The following SFTPD variants were observed in gnomAD, a reference collection of about 807,000 sequenced individuals.
SFTPD encodes pulmonary surfactant-associated protein D.
SFTPD carries 18 observed loss-of-function variants against 34.6 expected under a neutral mutation model. The ratio of observed to expected loss-of-function variants is 0.52; its 90% CI spans 0.36 to 0.77. The LOEUF is 0.77. Among genes scored for constraint, SFTPD ranks in the 30% least tolerant of loss-of-function variants. The pLI is 0.00. For missense variants in SFTPD, 433 were observed against 468.9 expected (o/e 0.92, Z 0.71); for synonymous variants, 155 against 180.9 (o/e 0.86, Z 1.15).
chr10:79,953,319 G>A (rs1404667816), upstream of SFTPD, among the ~76,000 whole-genome samples: 1 of 152,034 alleles, frequency 6.6e-6, no homozygotes, highest in East Asian at 1.9e-4. Flanking sequence ...TGGACCTAGT[G>A]GTGACAAACT....
chr10:79,978,588 G>A (rs1219713864), intron 1 of SFTPD, among the ~76,000 whole-genome samples: 2 of 148,394 alleles, frequency 1.3e-5, no homozygotes, highest in Non-Finnish European at 3.0e-5. Flanking sequence ...GGAGGTTGAG[G>A]CTGCAGTGAG....
chr10:79,955,013 C>A (rs1372061491), intron 1 of SFTPD, among the ~76,000 whole-genome samples: 1 of 152,226 alleles, frequency 6.6e-6, no homozygotes, highest in East Asian at 1.9e-4. Context: ...CACATCCTCA[C>A]CACCTGTTTC....
At chr10:79,977,975 A>C (rs1231268043) in intron 1 of SFTPD, among the ~76,000 whole-genome samples, 1 of 152,246 alleles carries the variant, frequency 6.6e-6, no homozygotes, top group South Asian at 2.1e-4. Flanking sequence ...TCTGAGTTCA[A>C]GAATTTCTTG....
At chr10:79,977,061 G>A (rs3934643) in intron 1 of SFTPD, among the ~76,000 whole-genome samples, 19,467 of 152,118 alleles carry the variant, frequency 0.13, 1,669 homozygotes, top group East Asian at 0.41. Flanking sequence ...ATCCAATTAA[G>A]CCTCTTTTTC....
At chr10:79,942,249 T>C (rs1187263918) in intron 4 of SFTPD, 139 bp downstream of exon 4, 3 of 737,776 alleles carry the variant, frequency 4.1e-6, no homozygotes, top group Non-Finnish European at 7.0e-6. Flanking sequence ...GTTGTGGGGA[T>C]TGGGAGGGTG....
At position 79,946,510 on chromosome 10, in the gene SFTPD, G is replaced by A. The variant is rs779479065; in HGVS notation, c.150C>T (p.Arg50=). ...CSSVESGLPG[R]DGRDGREGPR... The stretch of plus-strand genomic sequence containing the variant: ...GGCCCTCTCTCCCATCCCGTCCATC[G>A]CGACCAGGCAGGCCACTCTCCACTG... Residue 50 remains arginine (R), a synonymous_variant, in exon 2 of 8, where the codon CGC becomes CGT. Coordinates refer to ENST00000372292, the MANE Select transcript of SFTPD (RefSeq NM_003019.5). 15 of 1,614,070 alleles carry A rather than the reference G, an allele frequency of 9.3e-6. No homozygotes were observed. Among genetic ancestry groups the A allele is most frequent in the South Asian group, 3.3e-5 (3 of 91,078 alleles).
chr10:79,959,194 A>T (rs1842757437), intron 1 of SFTPD, among the ~76,000 whole-genome samples: 1 of 149,412 alleles, frequency 6.7e-6, no homozygotes, highest in South Asian at 2.1e-4. Flanking sequence ...AGAAAGCAGG[A>T]AAGATCCAAA....
chr10:79,950,991 A>G (rs1374139211), upstream of SFTPD: 3 of 151,964 alleles, frequency 2.0e-5, no homozygotes, highest in East Asian at 5.8e-4. Context: ...AGTTTCAACT[A>G]TATTTTATAG....
chr10:79,965,264 C>T (rs1348610427), intron 1 of SFTPD, among the ~76,000 whole-genome samples: 11 of 152,142 alleles, frequency 7.2e-5, no homozygotes, highest in African/African-American at 1.9e-4. Context: ...TTCTCTTATT[C>T]GGACCTTGTG....
At chr10:79,948,222 G>C (rs1842685479) in intron 1 of SFTPD, among the ~76,000 whole-genome samples, 2 of 152,254 alleles carry the variant, frequency 1.3e-5, no homozygotes, top group Non-Finnish European at 2.9e-5. Flanking sequence ...GCAAGGGCCA[G>C]ACCCAGGCCA....
Position 79,937,843 on chromosome 10 carries a change from C to A in SFTPD, c.*9G>T. On this transcript the variant is annotated 3_prime_UTR_variant, in exon 8 of 8. Transcript: ENST00000372292. The stretch of plus-strand genomic sequence containing the variant: ...TGGGCCAAGCACTGCCCCACCCACC[C>A]CAGTTGGCTCAGAACTCGCAGACCA... 1 of 1,531,384 alleles carries A rather than the reference C, an allele frequency of 6.5e-7. No individual in the cohort carries two copies. 94.9% of individuals were successfully genotyped at this position (1,531,384 alleles called of 1,614,324 possible).
At chr10:79,944,017 A>G (rs927496195) in intron 2 of SFTPD, among the ~76,000 whole-genome samples, 3 of 152,094 alleles carry the variant, frequency 2.0e-5, no homozygotes, top group African/African-American at 7.2e-5. Context: ...GAGGAGGGGC[A>G]CCTCCCCAAA....
chr10:79,966,729 A>C (rs1159582477), intron 1 of SFTPD, among the ~76,000 whole-genome samples: 2 of 144,788 alleles, frequency 1.4e-5, no homozygotes, highest in Non-Finnish European at 3.0e-5. Context: ...CTAACATTTA[A>C]ATCTTTAATC....
chr10:79,980,333 TC>T (rs2132530923), intron 1 of SFTPD, among the ~76,000 whole-genome samples: 1 of 152,038 alleles, frequency 6.6e-6, no homozygotes, highest in African/African-American at 2.4e-5. Flanking sequence ...AAATCCCCAA[TC>T]CCAGGCCCTA....
chr10:79,982,184 A>G, intron 1 of SFTPD: 1 of 453,778 alleles, frequency 2.2e-6, no homozygotes, highest in Non-Finnish European at 3.6e-6. Flanking sequence ...CAAGCAGAGG[A>G]GCCGCACGCG....
upstream of SFTPD, chr10:79,950,524 C>T (rs528662306): frequency 1.3e-5 from 2 of 152,316 alleles, no homozygotes; most frequent in African/African-American, 2.4e-5. Flanking sequence ...TCTCTTCTGG[C>T]TTGTAAGGTT....
chr10:79,956,127 TG>T (rs5786428), intron 1 of SFTPD, among the ~76,000 whole-genome samples: 22,288 of 152,198 alleles, frequency 0.15, 2,061 homozygotes, highest in East Asian at 0.41. Context: ...ATTGTGAAAA[TG>T]TTAACATTGT....
chr10:79,958,885 T>C (rs2132512331), intron 1 of SFTPD, among the ~76,000 whole-genome samples: 1 of 151,986 alleles, frequency 6.6e-6, no homozygotes, highest in African/African-American at 2.4e-5. Context: ...ATTGACCACA[T>C]AGTTGGAAGT....
At chr10:79,975,142 A>G (rs1842857697) in intron 1 of SFTPD, among the ~76,000 whole-genome samples, 1 of 152,270 alleles carries the variant, frequency 6.6e-6, no homozygotes, top group African/African-American at 2.4e-5. Context: ...TAGAACTAAG[A>G]GCAGTCGCTC....
Sources: gnomAD v4.1 joint callset for allele counts (sites outside exome capture counted in the v4.1 genomes callset) on GRCh38, gnomAD v4.1.1 for gene constraint, MANE v1.5 for transcripts, NCBI Gene and HGNC (gene_info 2026-07-23, HGNC 2026-07-21) for gene names.